ARHGEF10: variants seen among roughly 807,000 people sequenced by gnomAD.
ARHGEF10 encodes Rho guanine nucleotide exchange factor 10, also known as Rho guanine nucleotide exchange factor (GEF) 10.
Under a neutral mutation model 147.4 loss-of-function variants are expected in ARHGEF10, and 140 were observed. That is an observed-to-expected ratio of 0.95 (90% CI 0.83 to 1.09). The LOEUF (loss-of-function observed/expected upper bound fraction) is 1.09. Ranked by LOEUF, ARHGEF10 falls within the 50% of genes least tolerant of loss-of-function variation. The probability of loss-of-function intolerance (pLI) is 0.00; values close to 1 mark genes in which losing one functional copy is unlikely to be tolerated. For synonymous variants in ARHGEF10, 902 were observed against 695.8 expected, an observed-to-expected ratio of 1.30 and a Z score of -4.67; for missense variants, 2,222 against 1,752.7, an observed-to-expected ratio of 1.27 and a Z score of -4.78.
In ARHGEF10 at chr8:1,948,158, A is replaced by T. The variant is rs960921263; in HGVS notation, c.3397+2503A>T. On this transcript the variant is annotated intron_variant, in intron 27 of 28. Transcript: ENST00000349830. This position sits in a 1 kb window ranked among gnomAD's most constrained non-coding sequence, Gnocchi z 4.9. Reference sequence around the variant, plus strand: ...CACCACAAGCCTCTCACTTGGCAGCAGATGCATGGGGCTCTGCAGAGCCAC... The same window carrying T: ...CACCACAAGCCTCTCACTTGGCAGCTGATGCATGGGGCTCTGCAGAGCCAC... Among the ~76,000 whole-genome samples, 2 of 152,134 alleles carry T rather than the reference A, an allele frequency of 1.3e-5. No individual in the cohort carries two copies. The highest frequency in any genetic ancestry group is 2.9e-5 in the Non-Finnish European group (2 of 68,022).
chr8:1,877,447 C>T lies in ARHGEF10; in HGVS notation c.843+713C>T, dbSNP rs3779696. Among the ~76,000 whole-genome samples, 21 of 152,318 alleles carry T rather than the reference C, an allele frequency of 1.4e-4. 1 individual carries two copies. The East Asian group carries it at 3.5e-3, about 25-fold the overall frequency. On this transcript the variant is annotated intron_variant, in intron 8 of 28. Coordinates refer to ENST00000349830, the MANE Select transcript of ARHGEF10 (RefSeq NM_014629.4). ...TTCCCTATGTTGGCCAGGCTAGTCT[C>T]GAATCCCTGACCTCAGGTGATCTGC...
rs1475906009 is a variant in ARHGEF10 at position 1,937,469 on chromosome 8, T to G, written c.3222+3527T>G. Among the ~76,000 whole-genome samples, 1 of 152,238 alleles carries G rather than the reference T, an allele frequency of 6.6e-6. No individual in the cohort carries two copies. Among genetic ancestry groups the G allele is most frequent in the African/African-American group, 2.4e-5 (1 of 41,466 alleles). On this transcript the variant is annotated intron_variant, in intron 26 of 28. Coordinates refer to ENST00000349830, the MANE Select transcript of ARHGEF10 (RefSeq NM_014629.4). The surrounding 1 kb of genome is among the most constrained non-coding windows in gnomAD (Gnocchi z 4.9). ...TGGGGGTAATTCCCCTTTCTCAGGC[T>G]GCTTGTAATTTATATGCTGTAAATC...
intron 18 of ARHGEF10, among the ~76,000 whole-genome samples, chr8:1,911,779 C>T (rs914074462): frequency 8.5e-5 from 13 of 152,336 alleles, no homozygotes; most frequent in African/African-American, 3.1e-4. Context: ...CTCATCTCAG[C>T]TCACTCCTTA....
At position 1,896,454 on chromosome 8, in the gene ARHGEF10, G is replaced by A; in HGVS notation, c.1557+5G>A. Reference sequence around the variant, plus strand: ...GCTTTTCTTGAATTTTTAAAGGTAAGCGCTTTTTTTTTTCATTTGGGTTTT... The same window carrying A: ...GCTTTTCTTGAATTTTTAAAGGTAAACGCTTTTTTTTTTCATTTGGGTTTT... On this transcript the variant is annotated splice_donor_5th_base_variant and intron_variant, in intron 14 of 28. Coordinates refer to ENST00000349830, the MANE Select transcript of ARHGEF10 (RefSeq NM_014629.4). 6.2e-7 allele frequency: 1 copy of A among 1,605,568 alleles called. No individual in the cohort carries two copies. Among genetic ancestry groups the A allele is most frequent in the Non-Finnish European group, 8.5e-7 (1 of 1,173,762 alleles).
rs1217709077 is a variant in ARHGEF10, at chr8:1,857,310, A to T, written c.38-650A>T. ...TATTTCTAAAAGTAAAGTGGATGAT[A>T]CTGAATTCTCTTCCAGACCATCAGC... On this transcript the variant is annotated intron_variant, in intron 2 of 28. Coordinates refer to ENST00000349830, the MANE Select transcript of ARHGEF10 (RefSeq NM_014629.4). 2.0e-5 allele frequency among the ~76,000 whole-genome samples: 3 copies of T among 152,318 alleles called. No homozygotes were observed. The East Asian group carries it at 5.8e-4, about 29-fold the overall frequency.
At chr8:1,944,849 C>G (rs557023703) in intron 26 of ARHGEF10, among the ~76,000 whole-genome samples, 2 of 152,342 alleles carry the variant, frequency 1.3e-5, no homozygotes, top group South Asian at 4.1e-4. Context: ...GCCCCTGAGG[C>G]CATGTTGGGG....
rs564002875 is a variant in ARHGEF10, at chr8:1,882,655, C to T, written c.981C>T (p.Ala327=). 1.2e-5 allele frequency: 19 copies of T among 1,554,484 alleles called. No homozygotes were observed. The highest frequency in any genetic ancestry group is 9.5e-5 in the South Asian group (8 of 84,280). The part of the protein sequence containing the change: ...HELKMQKLVK[A]AKDGTKDGLE... ...CGCAGATGCAGAAGCTCGTGAAGGC[C>T]GCGAAGGACGGCACCAAGGACGGGC... The change falls in exon 10 of 29, where the codon GCC becomes GCT. Residue 327 remains alanine, a synonymous_variant. Transcript: ENST00000349830.
chr8:1,890,158 AC>A lies in ARHGEF10; in HGVS notation c.1183-3410del, dbSNP rs1563240828. ...GTGGGGTGAGGGTTTGTGAGGAGAC[AC>A]TGAGTGGGGTGAGGGTTTGTGAGGA... On this transcript the variant is annotated intron_variant, in intron 11 of 28. Coordinates refer to ENST00000349830, the MANE Select transcript of ARHGEF10 (RefSeq NM_014629.4). 9.7e-5 allele frequency among the ~76,000 whole-genome samples: 4 copies of A among 41,162 alleles called. No homozygotes were observed. In the East Asian group the frequency reaches 4.7e-3, roughly 48 times the overall value. 27.0% of individuals were successfully genotyped at this position (41,162 alleles called of 152,430 possible). A position where few individuals can be genotyped will look rare whatever the true frequency, so the allele number is the denominator to read the frequency against.
intron 1 of ARHGEF10, among the ~76,000 whole-genome samples, chr8:1,838,871 A>C (rs1222413783): frequency 8.1e-6 from 1 of 123,024 alleles, no homozygotes; most frequent in Admixed American, 7.7e-5. Context: ...GGGACTGTCC[A>C]GCGTGGAAGG....
chr8:1,854,852 G>T (rs1204459868), intron 2 of ARHGEF10, among the ~76,000 whole-genome samples: 1 of 152,184 alleles, frequency 6.6e-6, no homozygotes, highest in East Asian at 1.9e-4. Flanking sequence ...GCTGGGCGGT[G>T]AGCAGAGGTG....
At chr8:1,832,395 CAGAGAGAGGCAGAGGCAGAGACAGAG>C (rs1803182498) in intron 1 of ARHGEF10, among the ~76,000 whole-genome samples, 1 of 44,394 alleles carries the variant, frequency 2.3e-5, no homozygotes, top group African/African-American at 1.0e-4. Context: ...GAGGCAGAGA[CAGAGAGAGGCAGAGGCAGAGACAGAG>C]AGAGACAGAG....
intron 3 of ARHGEF10, among the ~76,000 whole-genome samples, chr8:1,858,327 C>G (rs765012369): frequency 1.3e-5 from 2 of 152,100 alleles, no homozygotes; most frequent in East Asian, 1.9e-4. Context: ...TCGGACTCGC[C>G]GATTTTCTCC....
In ARHGEF10 at chr8:1,876,704, G is replaced by A; in HGVS notation, c.813G>A (p.Arg271=). The change falls in exon 8 of 29, where the codon AGG becomes AGA. Residue 271 remains arginine (R), a synonymous_variant. Transcript: ENST00000349830. ...SDSECKNGIP[R]SFLRSNHKKQ... ...CGGAGTGCAAGAATGGGATTCCCAG[G>A]TCCTTCCTGCGCAGCAACCACAAAA... 1.2e-6 allele frequency: 2 copies of A among 1,614,150 alleles called. No individual in the cohort carries two copies. The highest frequency in any genetic ancestry group is 1.7e-6 in the Non-Finnish European group (2 of 1,180,024).
At chr8:1,885,092 T>C (rs374996223) in intron 10 of ARHGEF10, among the ~76,000 whole-genome samples, 1 of 152,300 alleles carries the variant, frequency 6.6e-6, no homozygotes, top group African/African-American at 2.4e-5. Context: ...TTAAACTGTT[T>C]TGAGTTTTGG....
At chr8:1,927,129 T>C (rs1563296774) in intron 23 of ARHGEF10, 2 of 156,980 alleles carry the variant, frequency 1.3e-5, no homozygotes, top group African/African-American at 4.8e-5. Flanking sequence ...GTGTCAGAAA[T>C]TGAACAACCC....
In ARHGEF10 at chr8:1,923,098, G is replaced by A; in HGVS notation, c.2259+19G>A. ...CTATCAGGTAACAATTGAAGCAATT[G>A]GATTTAAGATTCTGCCTTTACTTAT... is the stretch of plus-strand genomic sequence containing the variant. On this transcript the variant is annotated intron_variant, in intron 19 of 28. Coordinates refer to ENST00000349830, the MANE Select transcript of ARHGEF10 (RefSeq NM_014629.4). 5 of 1,530,570 alleles carry A rather than the reference G, an allele frequency of 3.3e-6. No individual in the cohort carries two copies. The highest frequency in any genetic ancestry group is 4.5e-6 in the Non-Finnish European group (5 of 1,105,966). The allele number at this position is 1,530,570 out of a possible 1,614,324, so 94.8% of individuals were successfully genotyped here. A position where few individuals can be genotyped will look rare whatever the true frequency, so the allele number is the denominator to read the frequency against.
At chr8:1,886,203 A>T (rs999696249) in intron 11 of ARHGEF10, among the ~76,000 whole-genome samples, 13 of 152,156 alleles carry the variant, frequency 8.5e-5, no homozygotes, top group African/African-American at 2.9e-4. Context: ...TTTTCATTGG[A>T]TTGTCTTAGG....
At position 1,957,385 on chromosome 8, in the gene ARHGEF10, G is replaced by A; in HGVS notation, c.*122G>A. 7.2e-7 allele frequency: 1 copy of A among 1,391,694 alleles called. No homozygotes were observed. Among genetic ancestry groups the A allele is most frequent in the Non-Finnish European group, 9.8e-7 (1 of 1,024,964 alleles). 86.2% of individuals were successfully genotyped at this position (1,391,694 alleles called of 1,614,324 possible). ...GGGAATAAATTAAAAACAGTATTTG[G>A]GGGAGAAACGTGCAATAGCGTAATG... On this transcript the variant is annotated 3_prime_UTR_variant, in exon 29 of 29. Transcript: ENST00000349830.
In ARHGEF10 at chr8:1,957,437, C is replaced by T; in HGVS notation, c.*174C>T. 1.1e-6 allele frequency: 1 copy of T among 894,772 alleles called. No individual in the cohort carries two copies. The highest frequency in any genetic ancestry group is 1.7e-6 in the Non-Finnish European group (1 of 596,094). 55.4% of individuals were successfully genotyped at this position (894,772 alleles called of 1,614,324 possible). ...TGGTGTCCCTGCCAATTCCTTCCTT[C>T]TCTTCTGTACAGCAGAAGTAATTAC... On this transcript the variant is annotated 3_prime_UTR_variant, in exon 29 of 29. Transcript: ENST00000349830.
Sources: gnomAD v4.1 joint callset for allele counts (sites outside exome capture counted in the v4.1 genomes callset) on GRCh38, gnomAD v4.1.1 for gene constraint, Gnocchi (gnomAD v3.1) non-coding constraint, MANE v1.5 for transcripts, NCBI Gene and HGNC (gene_info 2026-07-23, HGNC 2026-07-21) for gene names.